Variants in TMEM171 observed in about 807,000 individuals in gnomAD.
The protein encoded by TMEM171 is transmembrane protein 171, also known as proline-rich protein PRP2.
In TMEM171, 16 loss-of-function variants were observed where a neutral mutation model predicts 19.1. The ratio of observed to expected loss-of-function variants is 0.84; its 90% CI spans 0.57 to 1.27. TMEM171 has a LOEUF of 1.27. TMEM171 is among the 50% of genes most tolerant of loss of function. The pLI, the probability that TMEM171 is intolerant of heterozygous loss-of-function variation, is 0.00. For missense variants in TMEM171, 429 were observed against 412.7 expected, an observed-to-expected ratio of 1.04 and a Z score of -0.34; for synonymous variants, 153 against 163.4, an observed-to-expected ratio of 0.94 and a Z score of 0.48.
intron 1 of TMEM171, among the ~76,000 whole-genome samples, chr5:73,122,129 A>G (rs545208350): frequency 6.6e-6 from 1 of 152,128 alleles, no homozygotes; most frequent in Non-Finnish European, 1.5e-5. Flanking sequence ...CACTTATACT[A>G]TTCTTTCAAA....
rs763675283 is a variant in TMEM171, at chr5:73,123,612, G to A, written c.239G>A (p.Arg80Gln). The stretch of plus-strand genomic sequence containing the variant: ...GGGGCTGTGATCCTGGCCCGCTCCC[G>A]GGCGCAACTTCAGCTCCGTGCAGGG... ...GLGAVILARS[R>Q]AQLQLRAGLQ... Residue 80 changes from arginine (R) to glutamine (Q), a missense_variant, in exon 2 of 4, where the codon CGG (arginine) becomes CAG (glutamine). Arg to Gln is a conservative substitution (Grantham distance 43). Coordinates refer to ENST00000454765, the MANE Select transcript of TMEM171 (RefSeq NM_173490.8). The A allele has an allele frequency of 1.2e-6, 2 of 1,614,204 alleles. No homozygotes were observed. Among genetic ancestry groups the A allele is most frequent in the Admixed American group, 1.7e-5 (1 of 60,024 alleles).
At chr5:73,129,538 C>G (rs958503584) in intron 3 of TMEM171, among the ~76,000 whole-genome samples, 1 of 152,170 alleles carries the variant, frequency 6.6e-6, no homozygotes, top group African/African-American at 2.4e-5. Context: ...CGTGAAACGG[C>G]CGTAGATTCC....
In TMEM171 at chr5:73,131,541, G is replaced by A. The variant is rs1744356257; in HGVS notation, c.786G>A (p.Arg262=). 6.3e-7 allele frequency: 1 copy of A among 1,590,120 alleles called. No homozygotes were observed. Among genetic ancestry groups the A allele is most frequent in the Admixed American group, 1.8e-5 (1 of 56,804 alleles). The change falls in exon 4 of 4, where the codon AGG becomes AGA. Residue 262 remains arginine (R), a synonymous_variant. Transcript: ENST00000454765. The part of the protein sequence containing the change: ...PSYYSIFNYG[R]TPTSEGAASE... Reference sequence around the variant, plus strand: ...TGTTCTCTCTCCTTCTCTTTAGCAGGACCCCAACTTCAGAGGGTGCAGCCT... The same window carrying A: ...TGTTCTCTCTCCTTCTCTTTAGCAGAACCCCAACTTCAGAGGGTGCAGCCT...
At chr5:73,127,892 T>A (rs776364598) in intron 2 of TMEM171, among the ~76,000 whole-genome samples, 1 of 151,698 alleles carries the variant, frequency 6.6e-6, no homozygotes, top group Non-Finnish European at 1.5e-5. Flanking sequence ...AGGCGTGTAC[T>A]CCCACATCTG....
rs886176927 is a variant in TMEM171, at chr5:73,123,311, C to G, written c.-63C>G. 3 of 1,539,794 alleles carry G rather than the reference C, an allele frequency of 1.9e-6. No homozygotes were observed. The African/African-American group carries it at 4.1e-5, about 21-fold the overall frequency. ...GTGTTTGGTTGTGTTTGCAGAGCTG[C>G]TGAAATCTTGGAGGGAAGAAAACAC... On this transcript the variant is annotated 5_prime_UTR_variant, in exon 2 of 4. Coordinates refer to ENST00000454765, the MANE Select transcript of TMEM171 (RefSeq NM_173490.8).
intron 2 of TMEM171, among the ~76,000 whole-genome samples, chr5:73,127,270 T>C (rs1178446346): frequency 6.6e-6 from 1 of 151,112 alleles, no homozygotes; most frequent in African/African-American, 2.4e-5. Flanking sequence ...ACAAAAAGGC[T>C]TGGTCTTAGA....
chr5:73,123,805 G>T lies in TMEM171; in HGVS notation c.432G>T (p.Pro144=), dbSNP rs201510178. The change falls in exon 2 of 4, where the codon CCG becomes CCT. Residue 144 remains proline (P), a synonymous_variant. Coordinates refer to ENST00000454765, the MANE Select transcript of TMEM171 (RefSeq NM_173490.8). ...GTGGCTCCAACTGGGCGCAGGAACCGCTAAACGAGACAGACACTGGCGACT... is the reference window on the plus strand; with the variant it reads ...GTGGCTCCAACTGGGCGCAGGAACCTCTAAACGAGACAGACACTGGCGACT... ...PGCGSNWAQE[P]LNETDTGDSE... is the part of the protein sequence containing the mutation. 1 of 1,612,572 alleles carries T rather than the reference G, an allele frequency of 6.2e-7. No individual in the cohort carries two copies. The highest frequency in any genetic ancestry group is 1.1e-5 in the South Asian group (1 of 90,898).
chr5:73,128,332 G>T, intron 2 of TMEM171, 58 bp from the exon 3 acceptor site: 1 of 1,582,898 alleles, frequency 6.3e-7, no homozygotes, highest in South Asian at 1.1e-5. Flanking sequence ...TTTTGCTTTT[G>T]CTAATTTGCT....
chr5:73,124,040 C>G (rs770476306), intron 2 of TMEM171, 27 bp downstream of exon 2: 2 of 1,507,046 alleles, frequency 1.3e-6, no homozygotes, highest in Admixed American at 2.3e-5. Flanking sequence ...TGCGTTCTTG[C>G]TTCTATCACA....
At chr5:73,125,821 T>C (rs541948460) in intron 2 of TMEM171, among the ~76,000 whole-genome samples, 1 of 152,310 alleles carries the variant, frequency 6.6e-6, no homozygotes, top group East Asian at 1.9e-4. Context: ...TCTACTTAAC[T>C]CTTTAAGTCC....
rs555278448 is a variant in TMEM171 at position 73,120,713 on chromosome 5, C to T, written c.-69+17C>T. On this transcript the variant is annotated intron_variant, in intron 1 of 3. Transcript: ENST00000454765. The stretch of plus-strand genomic sequence containing the variant: ...CAGCTTCAGGTAAGCTGCCCCGGCC[C>T]GCGCGCCTGCGCCGGCGGCGGCGGG... The T allele has an allele frequency of 4.5e-5, 44 of 983,648 alleles. No individual in the cohort carries two copies. The African/African-American group carries it at 7.7e-4, about 17-fold the overall frequency. 60.9% of individuals were successfully genotyped at this position (983,648 alleles called of 1,614,324 possible). A position where few individuals can be genotyped will look rare whatever the true frequency, so the allele number is the denominator to read the frequency against.
chr5:73,124,196 C>T (rs562871724), intron 2 of TMEM171, among the ~76,000 whole-genome samples, 183 bp downstream of exon 2: 7 of 152,302 alleles, frequency 4.6e-5, no homozygotes, highest in South Asian at 2.1e-4. Context: ...TGGGAAGCCC[C>T]GTAGGAACCT....
intron 2 of TMEM171, among the ~76,000 whole-genome samples, chr5:73,127,005 G>A (rs1045180471): frequency 6.6e-6 from 1 of 152,152 alleles, no homozygotes; most frequent in Non-Finnish European, 1.5e-5. Flanking sequence ...GGAGTGAACA[G>A]TAGCCACAGA....
rs1744060102 is a variant in TMEM171, at chr5:73,123,474, G to A, written c.101G>A (p.Cys34Tyr). 2 of 1,614,064 alleles carry A rather than the reference G, an allele frequency of 1.2e-6. No homozygotes were observed. The highest frequency in any genetic ancestry group is 1.7e-6 in the Non-Finnish European group (2 of 1,180,038). ...CFFVFGAVLL[C>Y]VGVLLSIFGF... ...TTTGTCTTCGGCGCCGTCTTGTTGTGTGTGGGAGTCCTGCTCTCCATCTTT... is the reference window on the plus strand; with the variant it reads ...TTTGTCTTCGGCGCCGTCTTGTTGTATGTGGGAGTCCTGCTCTCCATCTTT... Residue 34 changes from cysteine to tyrosine, a missense_variant, in exon 2 of 4, where the codon TGT becomes TAT. Coordinates refer to ENST00000454765, the MANE Select transcript of TMEM171 (RefSeq NM_173490.8).
At chr5:73,129,834 C>T (rs703871) in intron 3 of TMEM171, among the ~76,000 whole-genome samples, 124,320 of 152,132 alleles carry the variant, frequency 0.82, 51,586 homozygotes, top group East Asian at 0.99. Flanking sequence ...GCCTGAGCCC[C>T]GATCCAACAC....
intron 2 of TMEM171, 36 bp downstream of exon 2, chr5:73,124,049 C>T: frequency 6.7e-7 from 1 of 1,494,494 alleles, no homozygotes; most frequent in East Asian, 2.3e-5. Context: ...GCTTCTATCA[C>T]AGTGGCTTTG....
intron 3 of TMEM171, among the ~76,000 whole-genome samples, chr5:73,128,799 T>C (rs1376717784): frequency 6.6e-6 from 1 of 152,152 alleles, no homozygotes; most frequent in African/African-American, 2.4e-5. Flanking sequence ...ACTCAGAATG[T>C]TTAACAACCC....
At position 73,123,642 on chromosome 5, in the gene TMEM171, A is replaced by G. The variant is rs543295611; in HGVS notation, c.269A>G (p.Gln90Arg). The change falls in exon 2 of 4, where the codon CAG becomes CGG. Residue 90 changes from glutamine (Q) to arginine (R), a missense_variant. By Grantham distance (43) the Gln-to-Arg change is conservative (BLOSUM62 1). Transcript: ENST00000454765. ...RAQLQLRAGL[Q>R]RGQQMDPDRA... ...CAACTTCAGCTCCGTGCAGGGCTGC[A>G]GAGAGGTCAGCAGATGGACCCCGAC... The G allele has an allele frequency of 1.7e-5, 27 of 1,614,190 alleles. No homozygotes were observed. In the South Asian group the frequency reaches 2.5e-4, roughly 15 times the overall value.
At chr5:73,126,371 T>C (rs1359939052) in intron 2 of TMEM171, among the ~76,000 whole-genome samples, 1 of 152,184 alleles carries the variant, frequency 6.6e-6, no homozygotes, top group African/African-American at 2.4e-5. Context: ...CTCATTGCCT[T>C]CTCCTTGGAG....
Sources: allele counts gnomAD v4.1 joint callset (sites outside exome capture counted in the v4.1 genomes callset), GRCh38; gene constraint gnomAD v4.1.1; transcripts MANE v1.5; gene names NCBI Gene and HGNC (gene_info 2026-07-23, HGNC 2026-07-21).